Variants in ZBTB7C observed in about 807,000 individuals in gnomAD.
ZBTB7C encodes zinc finger and BTB domain-containing protein 7C.
A neutral mutation model predicts 25.7 loss-of-function variants in ZBTB7C; 8 were observed. The ratio of observed to expected loss-of-function variants is 0.31; its 90% CI spans 0.18 to 0.56. The LOEUF is 0.56. Ranked by LOEUF, ZBTB7C falls within the 20% of genes least tolerant of loss-of-function variation. ZBTB7C has a pLI of 0.91. For synonymous variants in ZBTB7C, 394 were observed against 369.0 expected (o/e 1.07, Z -0.78); for missense variants, 824 against 855.2 (o/e 0.96, Z 0.46).
intron 3 of ZBTB7C, among the ~76,000 whole-genome samples, chr18:48,069,744 C>T (rs976464712): frequency 2.6e-5 from 4 of 152,162 alleles, no homozygotes; most frequent in African/African-American, 4.8e-5. Context: ...TAAGCCTCCC[C>T]GCTACACTCT....
At chr18:48,115,187 A>T (rs907843011) in intron 3 of ZBTB7C, among the ~76,000 whole-genome samples, 2 of 151,976 alleles carry the variant, frequency 1.3e-5, no homozygotes, top group East Asian at 3.9e-4. Flanking sequence ...TTCTTTTGTG[A>T]CTGGCTTCTT....
At chr18:48,050,535 G>T (rs1568177447) in intron 3 of ZBTB7C, among the ~76,000 whole-genome samples, 1 of 152,230 alleles carries the variant, frequency 6.6e-6, no homozygotes, top group Non-Finnish European at 1.5e-5. Flanking sequence ...TGTGCGATTT[G>T]CTCTGAGCTT....
intron 2 of ZBTB7C, among the ~76,000 whole-genome samples, chr18:48,291,898 TTAAAAA>T (rs2045240650): frequency 6.6e-6 from 1 of 152,150 alleles, no homozygotes; most frequent in Admixed American, 6.5e-5. Flanking sequence ...ACTCAGCCTC[TTAAAAA>T]TTGCTACCAT....
At chr18:48,071,877 T>C (rs955784696) in intron 3 of ZBTB7C, among the ~76,000 whole-genome samples, 18 of 152,188 alleles carry the variant, frequency 1.2e-4, no homozygotes, top group African/African-American at 4.3e-4. Flanking sequence ...TTAAGCGAAA[T>C]ATGCCAGACA....
rs12957725 is a variant in ZBTB7C at position 48,029,432 on chromosome 18, T to G, written c.1688A>C (p.Gln563Pro). Residue 563 changes from glutamine (Q) to proline (P), a missense_variant, in exon 5 of 5, where the codon CAG becomes CCG. Transcript: ENST00000590800. Reference protein sequence around the residue: ...ETQMKLFGRAQLEAERNAGGL... With the variant: ...ETQMKLFGRAPLEAERNAGGL... ...CCCCGCGTTCCTCTCAGCCTCCAGC[T>G]GCGCGCGCCCGAACAGCTTCATCTG... 1 of 1,589,816 alleles carries G rather than the reference T, an allele frequency of 6.3e-7. No individual in the cohort carries two copies. The highest frequency in any genetic ancestry group is 1.1e-5 in the South Asian group (1 of 88,598).
At chr18:48,217,654 C>T (rs187837909) in intron 2 of ZBTB7C, among the ~76,000 whole-genome samples, 5 of 152,202 alleles carry the variant, frequency 3.3e-5, no homozygotes, top group Admixed American at 6.5e-5. Context: ...AGATGAAAGC[C>T]CCCAGAGAGC....
At position 48,080,324 on chromosome 18, in the gene ZBTB7C, C is replaced by T. The variant is rs141568360; in HGVS notation, c.-16-39201G>A. On this transcript the variant is annotated intron_variant, in intron 3 of 4. Transcript: ENST00000590800. ...CTGCCAGATCCAAGTTGCCCACAAG[C>T]GACACGGCATTTGGGTGTTCACTTG... is the stretch of plus-strand genomic sequence containing the variant. Among the ~76,000 whole-genome samples the T allele has an allele frequency of 1.8e-4, 27 of 152,272 alleles. No individual in the cohort carries two copies. The East Asian group carries it at 2.5e-3, about 14-fold the overall frequency.
intron 3 of ZBTB7C, among the ~76,000 whole-genome samples, chr18:48,162,139 C>T (rs2041079376): frequency 6.6e-6 from 1 of 152,212 alleles, no homozygotes; most frequent in Non-Finnish European, 1.5e-5. Context: ...CGTGCCAGAC[C>T]CGGCTGTAGT....
intron 3 of ZBTB7C, among the ~76,000 whole-genome samples, chr18:48,115,695 T>A (rs565221178): frequency 6.6e-6 from 1 of 152,350 alleles, no homozygotes; most frequent in African/African-American, 2.4e-5. Context: ...TCTGTTTGAA[T>A]GCCCGTTTTC....
intron 2 of ZBTB7C, among the ~76,000 whole-genome samples, chr18:48,254,632 G>C (rs1186531932): frequency 6.6e-6 from 1 of 152,024 alleles, no homozygotes; most frequent in Non-Finnish European, 1.5e-5. Flanking sequence ...GACACAAGAC[G>C]ACGAACCCCA....
intron 3 of ZBTB7C, chr18:48,185,313 G>A (rs2042028485): frequency 2.2e-6 from 1 of 448,962 alleles, no homozygotes; most frequent in Non-Finnish European, 4.5e-6. Flanking sequence ...AGCCAGAGCT[G>A]GTGCACACAC....
chr18:48,054,899 A>G (rs980907643), intron 3 of ZBTB7C, among the ~76,000 whole-genome samples: 3 of 152,158 alleles, frequency 2.0e-5, no homozygotes, highest in African/African-American at 7.2e-5. Context: ...GAGGGCAATT[A>G]GGATGTGAGT....
At chr18:48,237,938 C>G (rs2043423887) in intron 2 of ZBTB7C, among the ~76,000 whole-genome samples, 1 of 152,018 alleles carries the variant, frequency 6.6e-6, no homozygotes, top group Non-Finnish European at 1.5e-5. Flanking sequence ...TGCATACAAC[C>G]AAATAAATGA....
Position 48,288,634 on chromosome 18 carries a change from C to CA in ZBTB7C, c.-79+49539dup, listed in dbSNP as rs2045129264. 3.9e-5 allele frequency among the ~76,000 whole-genome samples: 6 copies of CA among 152,234 alleles called. No individual in the cohort carries two copies. In the South Asian group the frequency reaches 1.2e-3, roughly 32 times the overall value. ...TCACACCATTACACTCCAGCCTAGGCAACAAGAGTGAAACTCCGTCTCTAA... is the reference window on the plus strand; with the variant it reads ...TCACACCATTACACTCCAGCCTAGGCAAACAAGAGTGAAACTCCGTCTCTAA... On this transcript the variant is annotated intron_variant, in intron 2 of 4. Coordinates refer to ENST00000590800, the MANE Select transcript of ZBTB7C (RefSeq NM_001318841.2).
chr18:48,373,733 G>T (rs1218882510), intron 1 of ZBTB7C, among the ~76,000 whole-genome samples: 1 of 152,194 alleles, frequency 6.6e-6, no homozygotes, highest in Non-Finnish European at 1.5e-5. Flanking sequence ...AGGTCAAGGC[G>T]GGCAGATCAC....
At chr18:48,289,565 TTATAA>T (rs560978878) in intron 2 of ZBTB7C, among the ~76,000 whole-genome samples, 10 of 122,668 alleles carry the variant, frequency 8.2e-5, no homozygotes, top group South Asian at 3.0e-4. Context: ...TATATATTTA[TTATAA>T]TATATTTATT....
intron 3 of ZBTB7C, among the ~76,000 whole-genome samples, chr18:48,175,961 G>A (rs1296294607): frequency 6.6e-6 from 1 of 152,214 alleles, no homozygotes; most frequent in South Asian, 2.1e-4. Flanking sequence ...GTTAATGACT[G>A]GATGGGCCAA....
intron 3 of ZBTB7C, among the ~76,000 whole-genome samples, chr18:48,134,315 G>C (rs992271613): frequency 6.6e-6 from 1 of 152,102 alleles, no homozygotes; most frequent in Non-Finnish European, 1.5e-5. Flanking sequence ...AGAGTTAACA[G>C]GCCAAACGCC....
intron 3 of ZBTB7C, among the ~76,000 whole-genome samples, chr18:48,169,211 C>G (rs555069967): frequency 9.2e-5 from 14 of 152,328 alleles, no homozygotes; most frequent in African/African-American, 3.4e-4. Context: ...ATTGTCCCAT[C>G]TTTTTGCATC....
Sources: allele counts gnomAD v4.1 joint callset (sites outside exome capture counted in the v4.1 genomes callset), GRCh38; gene constraint gnomAD v4.1.1; transcripts MANE v1.5; gene names NCBI Gene and HGNC (gene_info 2026-07-23, HGNC 2026-07-21).